The following SOS2 variants were observed in gnomAD, a reference collection of about 807,000 sequenced individuals.
SOS2 encodes the protein son of sevenless homolog 2.
In SOS2, 65 loss-of-function variants were observed where a neutral mutation model predicts 148.2. That is an observed-to-expected ratio of 0.44 (90% CI 0.36 to 0.54). The LOEUF (loss-of-function observed/expected upper bound fraction) is 0.54. SOS2 is among the 20% of genes least tolerant of loss of function. The pLI is 0.00. For missense variants in SOS2, 1,341 were observed against 1,590.2 expected (o/e 0.84, Z 2.67); for synonymous variants, 539 against 537.1 (o/e 1.00, Z -0.05).
At chr14:50,174,718 T>C (rs113195954) in intron 7 of SOS2, among the ~76,000 whole-genome samples, 166 bp from the exon 8 acceptor site, 1 of 152,224 alleles carries the variant, frequency 6.6e-6, no homozygotes, top group Non-Finnish European at 1.5e-5. Flanking sequence ...GTTGTTCTTT[T>C]CTCCCTTTCC....
At chr14:50,155,023 T>C (rs1036339072) in intron 12 of SOS2, among the ~76,000 whole-genome samples, 1 of 151,244 alleles carries the variant, frequency 6.6e-6, no homozygotes, top group African/African-American at 2.5e-5. Flanking sequence ...GACATACAAG[T>C]TGAAGTATTT....
intron 1 of SOS2, among the ~76,000 whole-genome samples, chr14:50,229,646 T>C (rs951580952): frequency 5.3e-5 from 8 of 152,166 alleles, no homozygotes; most frequent in Non-Finnish European, 7.3e-5. Flanking sequence ...CTGTCTCTAT[T>C]TGAAGAAAAA....
At chr14:50,196,285 T>A (rs1361715059) in intron 4 of SOS2, among the ~76,000 whole-genome samples, 1 of 152,212 alleles carries the variant, frequency 6.6e-6, no homozygotes, top group Non-Finnish European at 1.5e-5. Context: ...TTTTGTCATT[T>A]CAATTTTTAA....
rs780152724 is a variant in SOS2 at position 50,159,444 on chromosome 14, A to G, written c.1839T>C (p.Tyr613=). 9 of 1,606,736 alleles carry G rather than the reference A, an allele frequency of 5.6e-6. No homozygotes were observed. Among genetic ancestry groups the G allele is most frequent in the South Asian group, 1.1e-5 (1 of 90,540 alleles). Residue 613 remains tyrosine (Y), a synonymous_variant, in exon 10 of 23, where the codon TAT becomes TAC. Transcript: ENST00000216373. ...TVVKLIERLT[Y]HMYADPNFVR... ...AGTTTCACATACCTGCATACATATG[A>G]TATGTTAACCTTTCAATTAATTTCA...
At chr14:50,207,059 A>T (rs1273652655) in intron 1 of SOS2, among the ~76,000 whole-genome samples, 2 of 152,218 alleles carry the variant, frequency 1.3e-5, no homozygotes, top group African/African-American at 4.8e-5. Flanking sequence ...ATAGCCCATT[A>T]TATGGGTCTA....
intron 21 of SOS2, among the ~76,000 whole-genome samples, chr14:50,122,956 C>T (rs1318501203): frequency 6.6e-6 from 1 of 152,088 alleles, no homozygotes; most frequent in African/African-American, 2.4e-5. Flanking sequence ...GCAATATAAC[C>T]GTGAACAAAA....
intron 4 of SOS2, among the ~76,000 whole-genome samples, chr14:50,196,344 T>G (rs1249073918): frequency 6.6e-6 from 1 of 152,198 alleles, no homozygotes; most frequent in Non-Finnish European, 1.5e-5. Flanking sequence ...ATGGGGTAAA[T>G]GCAGGCATAT....
chr14:50,212,425 G>C (rs1886904783), intron 1 of SOS2, among the ~76,000 whole-genome samples: 2 of 152,218 alleles, frequency 1.3e-5, no homozygotes, highest in Non-Finnish European at 2.9e-5. Flanking sequence ...AGTGAGCAAA[G>C]ATCATGCCAC....
chr14:50,149,979 A>G (rs1348628676), intron 14 of SOS2, 29 bp downstream of exon 14: 1 of 1,430,790 alleles, frequency 7.0e-7, no homozygotes, highest in Non-Finnish European at 9.9e-7. Flanking sequence ...TCTTAAAAAT[A>G]AAGCAAGACA....
At position 50,179,656 on chromosome 14, in the gene SOS2, C is replaced by T. The variant is rs150769441; in HGVS notation, c.969+916G>A. Among the ~76,000 whole-genome samples the T allele has an allele frequency of 5.5e-4, 83 of 152,290 alleles. 1 individual carries two copies. The highest frequency in any genetic ancestry group is 1.9e-3 in the South Asian group (9 of 4,826). ...CTGGGATTATAGGCAAGAGCCACCA[C>T]GTCTGGCTGGAAAAGTCAGTTTAGA... On this transcript the variant is annotated intron_variant, in intron 7 of 22. Transcript: ENST00000216373.
intron 4 of SOS2, among the ~76,000 whole-genome samples, chr14:50,189,855 T>TA (rs902292157): frequency 3.4e-4 from 43 of 127,404 alleles, no homozygotes; most frequent in Middle Eastern, 3.7e-3. Flanking sequence ...TTTTTATTTT[T>TA]TTTTTTTTTG....
chr14:50,118,400 A>G lies in SOS2; in HGVS notation c.3943T>C (p.Ser1315Pro). 1 of 1,614,188 alleles carries G rather than the reference A, an allele frequency of 6.2e-7. No homozygotes were observed. The highest frequency in any genetic ancestry group is 2.2e-5 in the East Asian group (1 of 44,888). ...LPPKTYKREL[S>P]HPPLYRLPLL... Reference sequence around the variant, plus strand: ...GGCAGTCTGTACAATGGGGGGTGCGAAAGCTCCCGTTTGTAAGTCTTTGGT... The same window carrying G: ...GGCAGTCTGTACAATGGGGGGTGCGGAAGCTCCCGTTTGTAAGTCTTTGGT... Residue 1315 changes from serine to proline, a missense_variant, in exon 23 of 23, where the codon TCG becomes CCG. By Grantham distance (74) the Ser-to-Pro change is moderately conservative (BLOSUM62 -1). This residue lies in a region of SOS2 where 354 missense variants were observed against 347.7 expected (regional missense o/e 1.02). Transcript: ENST00000216373.
chr14:50,193,839 G>C (rs932473465), intron 4 of SOS2, among the ~76,000 whole-genome samples: 4 of 151,778 alleles, frequency 2.6e-5, no homozygotes, highest in Non-Finnish European at 4.4e-5. Context: ...CCGCCTCCCA[G>C]GTTCAAGCAA....
At chr14:50,131,421 T>C (rs1278866490) in intron 19 of SOS2, among the ~76,000 whole-genome samples, 1 of 152,234 alleles carries the variant, frequency 6.6e-6, no homozygotes, top group African/African-American at 2.4e-5. Flanking sequence ...GAATAAGATC[T>C]ATGAGGGGTT....
chr14:50,178,514 A>C (rs756668906), intron 7 of SOS2, among the ~76,000 whole-genome samples: 9 of 151,484 alleles, frequency 5.9e-5, no homozygotes, highest in Non-Finnish European at 1.2e-4. Context: ...CCCAGGCTTG[A>C]GTGCAGTGTT....
chr14:50,200,946 T>C lies in SOS2; in HGVS notation c.345+7A>G, dbSNP rs1478883232. On this transcript the variant is annotated splice_region_variant and intron_variant, in intron 3 of 22. Transcript: ENST00000216373. ...CACCCCCCAACTAATGTTTAATCTTTTGTTACCTTCAACGAAGGATGGATT... is the reference window on the plus strand; with the variant it reads ...CACCCCCCAACTAATGTTTAATCTTCTGTTACCTTCAACGAAGGATGGATT... 2.5e-6 allele frequency: 4 copies of C among 1,613,372 alleles called. No homozygotes were observed. Among genetic ancestry groups the C allele is most frequent in the African/African-American group, 1.3e-5 (1 of 75,018 alleles).
chr14:50,188,626 AC>A lies in SOS2; in HGVS notation c.584del (p.Gly195ValfsTer3). ...SLCEDEPSSS[G>X]ELNYYDLVRT... is the part of the protein sequence containing the mutation. Reference sequence around the variant, plus strand: ...TGACAAGATCATAGTAGTTTAATTCACCAGAAGAACTAGGTTCATCTTCACA... The same window carrying A: ...TGACAAGATCATAGTAGTTTAATTCACAGAAGAACTAGGTTCATCTTCACA... On this transcript the variant is annotated frameshift_variant, in exon 5 of 23. Transcript: ENST00000216373. LOFTEE classifies it high-confidence loss of function. 6.2e-7 allele frequency: 1 copy of A among 1,610,418 alleles called. No homozygotes were observed. The highest frequency in any genetic ancestry group is 1.1e-5 in the South Asian group (1 of 90,746).
chr14:50,230,094 T>C (rs2139888356), intron 1 of SOS2, among the ~76,000 whole-genome samples: 1 of 152,296 alleles, frequency 6.6e-6, no homozygotes, highest in South Asian at 2.1e-4. Context: ...AATACTTCCT[T>C]GTAAGAATTA....
chr14:50,188,043 T>C (rs1268545264), intron 5 of SOS2, among the ~76,000 whole-genome samples: 1 of 152,182 alleles, frequency 6.6e-6, no homozygotes, highest in Non-Finnish European at 1.5e-5. Context: ...TATATAACAA[T>C]TCACATGTTT....
Sources: allele counts gnomAD v4.1 joint callset (sites outside exome capture counted in the v4.1 genomes callset), GRCh38; gene constraint gnomAD v4.1.1; regional missense constraint gnomAD v4.1.1; transcripts MANE v1.5; gene names NCBI Gene and HGNC (gene_info 2026-07-23, HGNC 2026-07-21).